Variants in NECAB1 observed in about 807,000 individuals in gnomAD.
NECAB1 encodes N-terminal EF-hand calcium binding protein 1, also known as N-terminal EF-hand calcium-binding protein 1.
NECAB1 carries 29 observed loss-of-function variants against 57.5 expected under a neutral mutation model. The observed-to-expected ratio is 0.50, with a 90% CI of 0.38 to 0.69. NECAB1 has a LOEUF of 0.69. Ranked by LOEUF, NECAB1 falls within the 30% of genes least tolerant of loss-of-function variation. The pLI, the probability that NECAB1 is intolerant of heterozygous loss-of-function variation, is 0.00. For missense variants in NECAB1, 372 were observed against 413.8 expected (o/e 0.90, Z 0.88); for synonymous variants, 142 against 147.7 (o/e 0.96, Z 0.28).
At chr8:90,843,600 G>A (rs1273540245) in intron 3 of NECAB1, among the ~76,000 whole-genome samples, 1 of 152,212 alleles carries the variant, frequency 6.6e-6, no homozygotes, top group African/African-American at 2.4e-5. Context: ...CCAGAACAGT[G>A]AGACAAAGTA....
At chr8:90,866,173 A>G (rs1808509274) in intron 3 of NECAB1, among the ~76,000 whole-genome samples, 2 of 152,196 alleles carry the variant, frequency 1.3e-5, no homozygotes, top group Admixed American at 6.5e-5. Context: ...TGCCCTGTTG[A>G]TAATGGAAAC....
intron 4 of NECAB1, among the ~76,000 whole-genome samples, chr8:90,878,068 G>A (rs960221501): frequency 4.0e-5 from 6 of 150,884 alleles, no homozygotes; most frequent in Non-Finnish European, 5.9e-5. Flanking sequence ...ACAGGATCTC[G>A]TTCTGTCACC....
At chr8:90,917,864 A>ATG (rs1213133114) in intron 6 of NECAB1, among the ~76,000 whole-genome samples, 8 of 89,978 alleles carry the variant, frequency 8.9e-5, no homozygotes, top group East Asian at 6.7e-4. Flanking sequence ...ATATATATAT[A>ATG]TATATATGTG....
At chr8:90,855,095 A>G (rs1812769309) in intron 3 of NECAB1, among the ~76,000 whole-genome samples, 1 of 152,176 alleles carries the variant, frequency 6.6e-6, no homozygotes, top group Admixed American at 6.5e-5. Context: ...CCTCAGGAGC[A>G]CAGGTCACTG....
Position 90,850,606 on chromosome 8 carries a change from T to C in NECAB1, c.234-21522T>C, listed in dbSNP as rs1040378981. 5.3e-5 allele frequency among the ~76,000 whole-genome samples: 8 copies of C among 152,186 alleles called. 1 individual carries two copies. In the South Asian group the frequency reaches 8.3e-4, roughly 16 times the overall value. On this transcript the variant is annotated intron_variant, in intron 3 of 12. Transcript: ENST00000417640. ...TACAAGAACACCATGCAAATCAGAA[T>C]GTATGCGCTATTGGACAGCTGAGAG...
At chr8:90,909,726 A>C (rs1013406173) in intron 5 of NECAB1, among the ~76,000 whole-genome samples, 1 of 152,148 alleles carries the variant, frequency 6.6e-6, no homozygotes, top group African/African-American at 2.4e-5. Flanking sequence ...GTCTCCATGC[A>C]TGAAGAATTC....
chr8:90,811,496 C>G (rs961569101), intron 2 of NECAB1, among the ~76,000 whole-genome samples: 1 of 152,102 alleles, frequency 6.6e-6, no homozygotes, highest in African/African-American at 2.4e-5. Flanking sequence ...AATAAAAATT[C>G]AGATAGCTAG....
intron 5 of NECAB1, among the ~76,000 whole-genome samples, chr8:90,916,990 ATT>A (rs1354917121): frequency 1.3e-5 from 2 of 152,128 alleles, no homozygotes; most frequent in Non-Finnish European, 2.9e-5. Context: ...ACTACACATA[ATT>A]TTCTTTGTCT....
chr8:90,920,966 C>T (rs189679710), intron 6 of NECAB1, among the ~76,000 whole-genome samples: 1 of 152,114 alleles, frequency 6.6e-6, no homozygotes, highest in Non-Finnish European at 1.5e-5. Context: ...ATCTGGGGTT[C>T]AGAAAGATCT....
At chr8:90,862,287 C>T (rs1204471981) in intron 3 of NECAB1, among the ~76,000 whole-genome samples, 1 of 152,066 alleles carries the variant, frequency 6.6e-6, no homozygotes, top group Non-Finnish European at 1.5e-5. Context: ...TGGAAAGACA[C>T]ACATGAAACT....
At chr8:90,863,655 TGA>T (rs1218969470) in intron 3 of NECAB1, among the ~76,000 whole-genome samples, 2 of 152,170 alleles carry the variant, frequency 1.3e-5, no homozygotes, top group Non-Finnish European at 2.9e-5. Context: ...AATAAGGAGA[TGA>T]GAGAGTGTTA....
chr8:90,811,237 C>G (rs1971347), intron 2 of NECAB1, among the ~76,000 whole-genome samples: 57,223 of 152,006 alleles, frequency 0.38, 11,991 homozygotes, highest in East Asian at 0.81. Context: ...AGGCGTGAGC[C>G]ACTGCACCTG....
At chr8:90,809,026 C>T (rs1055908746) in intron 2 of NECAB1, among the ~76,000 whole-genome samples, 1 of 152,156 alleles carries the variant, frequency 6.6e-6, no homozygotes, top group African/African-American at 2.4e-5. Flanking sequence ...TGGCAGTGCC[C>T]AGAGGTCTGT....
chr8:90,856,211 A>T (rs1563507034), intron 3 of NECAB1, among the ~76,000 whole-genome samples: 1 of 152,144 alleles, frequency 6.6e-6, no homozygotes, highest in African/African-American at 2.4e-5. Context: ...ACATTTTCAA[A>T]TTTTTTAAAG....
chr8:90,796,421 C>A (rs1811661805), intron 1 of NECAB1, among the ~76,000 whole-genome samples: 1 of 152,188 alleles, frequency 6.6e-6, no homozygotes, highest in African/African-American at 2.4e-5. Flanking sequence ...AAATCTTAAC[C>A]TGATTCATGG....
intron 8 of NECAB1, among the ~76,000 whole-genome samples, chr8:90,929,371 A>G (rs185451205): frequency 9.8e-5 from 15 of 152,346 alleles, no homozygotes; most frequent in African/African-American, 3.6e-4. Context: ...CTAATAAAAA[A>G]GAGAGTTTTC....
At chr8:90,938,816 G>T (rs1241950783) in intron 9 of NECAB1, among the ~76,000 whole-genome samples, 1 of 152,116 alleles carries the variant, frequency 6.6e-6, no homozygotes, top group African/African-American at 2.4e-5. Context: ...ACATAATAAT[G>T]CATCCCCAAA....
chr8:90,956,766 T>C lies in NECAB1; in HGVS notation c.*1254T>C, dbSNP rs1811040233. On this transcript the variant is annotated 3_prime_UTR_variant, in exon 13 of 13. Coordinates refer to ENST00000417640, the MANE Select transcript of NECAB1 (RefSeq NM_022351.5). ...AAAGGAAGATTGAACTAATAAAATT[T>C]TATTTCTTAAATATAAATTTGACCT... The C allele has an allele frequency of 6.6e-6, 1 of 152,424 alleles. No homozygotes were observed. Among genetic ancestry groups the C allele is most frequent in the South Asian group, 2.1e-4 (1 of 4,832 alleles). 9.4% of individuals were successfully genotyped at this position (152,424 alleles called of 1,614,324 possible). A position where few individuals can be genotyped will look rare whatever the true frequency, so the allele number is the denominator to read the frequency against.
intron 9 of NECAB1, 76 bp from the exon 10 acceptor site, chr8:90,940,710 G>A (rs973949680): frequency 5.5e-5 from 57 of 1,040,658 alleles, no homozygotes; most frequent in Non-Finnish European, 8.3e-5. Context: ...GAGGAGGAAT[G>A]GGATGGGCAG....
Sources: gnomAD v4.1 joint callset for allele counts (sites outside exome capture counted in the v4.1 genomes callset) on GRCh38, gnomAD v4.1.1 for gene constraint, MANE v1.5 for transcripts, NCBI Gene and HGNC (gene_info 2026-07-23, HGNC 2026-07-21) for gene names.